ANKFY1: variants seen among roughly 807,000 people sequenced by gnomAD.
ANKFY1 encodes ankyrin repeat and FYVE domain containing 1, also known as ankyrin repeat and FYVE domain-containing protein 1.
In ANKFY1, 47 loss-of-function variants were observed where a neutral mutation model predicts 128.3. That is an observed-to-expected ratio of 0.37 (90% confidence interval 0.29 to 0.47). ANKFY1 has a LOEUF of 0.47. Ranked by LOEUF, ANKFY1 falls within the 20% of genes least tolerant of loss-of-function variation. The pLI is 1.00. For missense variants in ANKFY1, 1,222 were observed against 1,510.6 expected (o/e 0.81, Z 3.17); for synonymous variants, 553 against 601.6 (o/e 0.92, Z 1.18).
chr17:4,234,581 A>G (rs1327581207), intron 3 of ANKFY1, among the ~76,000 whole-genome samples: 1 of 151,536 alleles, frequency 6.6e-6, no homozygotes, highest in Non-Finnish European at 1.5e-5. Flanking sequence ...TGGTGACATC[A>G]TAGCTCACTG....
In ANKFY1 at chr17:4,182,226, C is replaced by A; in HGVS notation, c.2076G>T (p.Leu692=). 1 of 1,582,294 alleles carries A rather than the reference C, an allele frequency of 6.3e-7. No homozygotes were observed. The highest frequency in any genetic ancestry group is 8.6e-7 in the Non-Finnish European group (1 of 1,161,690). The change falls in exon 15 of 25, where the codon CTG becomes CTT. Residue 692 remains leucine, a synonymous_variant. Transcript: ENST00000341657. ...CCAGATTGTTTGCCAATGCAAGCCA[C>A]AGCGGGGGGTTCCCCTTCTCATCTG... ...SVPDEKGNPP[L]WLALANNLED...
intron 7 of ANKFY1, among the ~76,000 whole-genome samples, chr17:4,199,981 G>T (rs945951032): frequency 6.6e-6 from 1 of 152,100 alleles, no homozygotes; most frequent in Non-Finnish European, 1.5e-5. Flanking sequence ...GGGGCATCAC[G>T]CCTTGCTGGG....
intron 10 of ANKFY1, among the ~76,000 whole-genome samples, chr17:4,190,999 C>T (rs1359449284): frequency 6.6e-6 from 1 of 152,068 alleles, no homozygotes; most frequent in Non-Finnish European, 1.5e-5. Context: ...CTAGCCAGGC[C>T]TGGTGGCACA....
chr17:4,244,171 T>G (rs1028951080), intron 1 of ANKFY1, among the ~76,000 whole-genome samples: 3 of 152,152 alleles, frequency 2.0e-5, no homozygotes, highest in Admixed American at 2.0e-4. Flanking sequence ...CCTCAAGTGA[T>G]CCACCCACCT....
At chr17:4,260,562 G>A (rs1968357788) in intron 1 of ANKFY1, among the ~76,000 whole-genome samples, 1 of 141,122 alleles carries the variant, frequency 7.1e-6, no homozygotes, top group Non-Finnish European at 1.5e-5. Context: ...AGATTGCAAT[G>A]AGCTGTGATC....
chr17:4,176,033 T>G (rs2059406268), intron 19 of ANKFY1, among the ~76,000 whole-genome samples: 1 of 152,150 alleles, frequency 6.6e-6, no homozygotes, highest in Non-Finnish European at 1.5e-5. Context: ...CCTACGACTT[T>G]GGGACCCAGC....
At chr17:4,208,328 G>A (rs1221727997) in intron 5 of ANKFY1, among the ~76,000 whole-genome samples, 2 of 152,202 alleles carry the variant, frequency 1.3e-5, no homozygotes, top group Non-Finnish European at 2.9e-5. Flanking sequence ...TAAATGGCTG[G>A]GGAACCAGAA....
chr17:4,216,794 G>T, intron 4 of ANKFY1, 189 bp downstream of exon 4: 1 of 724,224 alleles, frequency 1.4e-6, no homozygotes, highest in South Asian at 1.6e-5. Context: ...AATAGCAAAA[G>T]CTTTAGCAAA....
At position 4,239,970 on chromosome 17, in the gene ANKFY1, C is replaced by G. The variant is rs541890028; in HGVS notation, c.203+2286G>C. ...GCCACATCCAGCACCCCAATTCAGT[C>G]TTTCATCATTGCTGTCCTGGACTAT... is the stretch of plus-strand genomic sequence containing the variant. On this transcript the variant is annotated intron_variant, in intron 2 of 24. Coordinates refer to ENST00000341657, the MANE Select transcript of ANKFY1 (RefSeq NM_001330063.2). 1.4e-3 allele frequency among the ~76,000 whole-genome samples: 207 copies of G among 152,100 alleles called. 1 individual carries two copies. Among genetic ancestry groups the G allele is most frequent in the African/African-American group, 4.7e-3 (195 of 41,486 alleles).
chr17:4,263,919 A>C lies in ANKFY1; in HGVS notation c.10+13T>G, dbSNP rs373973222. 6.2e-7 allele frequency: 1 copy of C among 1,613,774 alleles called. No homozygotes were observed. Among genetic ancestry groups the C allele is most frequent in the Non-Finnish European group, 8.5e-7 (1 of 1,179,830 alleles). On this transcript the variant is annotated intron_variant, in intron 1 of 24. Transcript: ENST00000341657. The stretch of plus-strand genomic sequence containing the variant: ...TCCGTGTCTTCCCGCGCGGCTCCAC[A>C]AAAAAACCCTACCTTCCGCCATGTC...
intron 2 of ANKFY1, among the ~76,000 whole-genome samples, chr17:4,236,185 G>A (rs1236355955): frequency 6.6e-6 from 1 of 152,168 alleles, no homozygotes; most frequent in Non-Finnish European, 1.5e-5. Flanking sequence ...AGTTAAGTAG[G>A]ATGATTAATA....
At chr17:4,198,591 CA>C (rs1456955838) in intron 7 of ANKFY1, among the ~76,000 whole-genome samples, 1 of 152,090 alleles carries the variant, frequency 6.6e-6, no homozygotes, top group Admixed American at 6.5e-5. Flanking sequence ...AGGCTGGTCT[CA>C]AACTCCTGAG....
intron 1 of ANKFY1, among the ~76,000 whole-genome samples, chr17:4,261,229 C>T (rs546849813): frequency 2.0e-5 from 3 of 152,170 alleles, no homozygotes; most frequent in African/African-American, 4.8e-5. Flanking sequence ...TGGCTCACAC[C>T]GGCAATCCCA....
chr17:4,194,923 A>T (rs1227968644), intron 10 of ANKFY1, 55 bp downstream of exon 10: 2 of 1,585,958 alleles, frequency 1.3e-6, no homozygotes, highest in Admixed American at 1.7e-5. Context: ...TTTACATGCC[A>T]TTTCCTGGCG....
At chr17:4,234,334 CCTT>C (rs1328677704) in intron 3 of ANKFY1, among the ~76,000 whole-genome samples, 3 of 152,036 alleles carry the variant, frequency 2.0e-5, no homozygotes, top group African/African-American at 4.8e-5. Context: ...GCTCTTTGCC[CCTT>C]TTTTTCCAAT....
At chr17:4,193,521 G>A (rs1479227273) in intron 10 of ANKFY1, among the ~76,000 whole-genome samples, 3 of 141,812 alleles carry the variant, frequency 2.1e-5, no homozygotes, top group Non-Finnish European at 3.0e-5. Context: ...TCCGCTTCCC[G>A]GGTTCAAGTG....
At chr17:4,217,379 T>A (rs2060238950) in intron 3 of ANKFY1, among the ~76,000 whole-genome samples, 1 of 152,068 alleles carries the variant, frequency 6.6e-6, no homozygotes, top group Non-Finnish European at 1.5e-5. Context: ...AAACCCCATG[T>A]CTACTAAAAA....
chr17:4,258,707 G>T (rs1443942852), intron 1 of ANKFY1, among the ~76,000 whole-genome samples: 1 of 152,048 alleles, frequency 6.6e-6, no homozygotes, highest in Non-Finnish European at 1.5e-5. Flanking sequence ...TGAGTACTTG[G>T]AATAGGACTA....
At chr17:4,175,379 G>A (rs2059394835) in intron 19 of ANKFY1, among the ~76,000 whole-genome samples, 1 of 151,856 alleles carries the variant, frequency 6.6e-6, no homozygotes, top group Non-Finnish European at 1.5e-5. Context: ...GGGACACAAA[G>A]AATTACAGAA....
Sources: allele counts gnomAD v4.1 joint callset (sites outside exome capture counted in the v4.1 genomes callset), GRCh38; gene constraint gnomAD v4.1.1; transcripts MANE v1.5; gene names NCBI Gene and HGNC (gene_info 2026-07-23, HGNC 2026-07-21).